The following DLX4 variants were observed in gnomAD, a reference collection of about 807,000 sequenced individuals.
DLX4 encodes the protein homeobox protein DLX-4.
A neutral mutation model predicts 17.1 loss-of-function variants in DLX4; 13 were observed. The observed-to-expected ratio is 0.76, with a 90% confidence interval of 0.49 to 1.21. The LOEUF (loss-of-function observed/expected upper bound fraction) is 1.21, where lower values mean the gene tolerates loss of function less well. Ranked by LOEUF, DLX4 falls within the 50% of genes most tolerant of loss-of-function variation. The probability of loss-of-function intolerance (pLI) is 0.00; values close to 1 mark genes in which losing one functional copy is unlikely to be tolerated. For synonymous variants in DLX4, 129 were observed against 140.3 expected, an observed-to-expected ratio of 0.92 and a Z score of 0.57; for missense variants, 297 against 301.4, an observed-to-expected ratio of 0.99 and a Z score of 0.11.
In DLX4 at chr17:49,974,953, CAT is replaced by C. The variant is rs1182116698; in HGVS notation, c.*1011_*1012del. The stretch of plus-strand genomic sequence containing the variant: ...TCCAGAGATTAAAGTTTGTACAAAA[CAT>C]TGCATTCTGGCTGTGAGATGTGTTT... On this transcript the variant is annotated 3_prime_UTR_variant, in exon 3 of 3. Transcript: ENST00000240306. The C allele has an allele frequency of 6.6e-6, 1 of 152,220 alleles. No homozygotes were observed. Among genetic ancestry groups the C allele is most frequent in the African/African-American group, 2.4e-5 (1 of 41,460 alleles). 9.4% of individuals were successfully genotyped at this position (152,220 alleles called of 1,614,324 possible).
chr17:49,969,407 A>G lies in DLX4; in HGVS notation c.-62A>G. The G allele has an allele frequency of 6.8e-7, 1 of 1,465,306 alleles. No homozygotes were observed. The highest frequency in any genetic ancestry group is 2.0e-4 in the Middle Eastern group (1 of 4,990). 90.8% of individuals were successfully genotyped at this position (1,465,306 alleles called of 1,614,324 possible). A position where few individuals can be genotyped will look rare whatever the true frequency, so the allele number is the denominator to read the frequency against. On this transcript the variant is annotated 5_prime_UTR_variant, in exon 1 of 3. Transcript: ENST00000240306. ...CCAACGCCGGAGGCTTGGAAAAGAG[A>G]GTTGGCAGCGGGAGCGGACTACGTG...
In DLX4 at chr17:49,973,760, T is replaced by TG. The variant is rs869025279; in HGVS notation, c.546dup (p.Gln183AlafsTer115). The TG allele has an allele frequency of 5.2e-6, 8 of 1,551,786 alleles. No homozygotes were observed. The highest frequency in any genetic ancestry group is 1.2e-5 in the South Asian group (1 of 82,328). On this transcript the variant is annotated frameshift_variant, in exon 3 of 3. Transcript: ENST00000240306. LOFTEE classifies it low-confidence loss of function (END_TRUNC). ...ATAAGAAGCTCCTGAAGCAGAATTC[T>TG]GGGGGGCAGGAAGGGGACTTCCCTG...
rs187087248 is a variant in DLX4, at chr17:49,972,970, C to T, written c.284-103C>T. 7 of 1,536,444 alleles carry T rather than the reference C, an allele frequency of 4.6e-6. No individual in the cohort carries two copies. In the Admixed American group the frequency reaches 1.2e-4, roughly 26 times the overall value. On this transcript the variant is annotated intron_variant, in intron 1 of 2. Transcript: ENST00000240306. The surrounding 1 kb of genome is among the most constrained non-coding windows in gnomAD (Gnocchi z 5.4). ...TGGTGGCTGCGCTTTTTGCTATTTG[C>T]TGCCGACGGCATGCAGACGAGATGC...
chr17:49,969,485 G>T lies in DLX4; in HGVS notation c.17G>T (p.Cys6Phe). 2 of 1,593,214 alleles carry T rather than the reference G, an allele frequency of 1.3e-6. No individual in the cohort carries two copies. The highest frequency in any genetic ancestry group is 8.5e-7 in the Non-Finnish European group (1 of 1,172,432). MTSLP[C>F]PLPGRDASKA... ...CTGGCCACAATGACCTCTTTGCCCT[G>T]CCCCCTCCCCGGCCGGGACGCCTCC... is the stretch of plus-strand genomic sequence containing the variant. Residue 6 changes from cysteine to phenylalanine, a missense_variant, in exon 1 of 3, where the codon TGC becomes TTC. By Grantham distance (205) the Cys-to-Phe change is radical. Coordinates refer to ENST00000240306, the MANE Select transcript of DLX4 (RefSeq NM_138281.3).
chr17:49,969,002 G>T (rs768896733), upstream of DLX4: 49 of 157,444 alleles, frequency 3.1e-4, no homozygotes, highest in Non-Finnish European at 4.5e-4. Context: ...TGCACCAATC[G>T]CTCTGCAACC....
In DLX4 at chr17:49,972,786, T is replaced by A; in HGVS notation, c.284-287T>A. On this transcript the variant is annotated intron_variant, in intron 1 of 2. Coordinates refer to ENST00000240306, the MANE Select transcript of DLX4 (RefSeq NM_138281.3). This position sits in a 1 kb window ranked among gnomAD's most constrained non-coding sequence, Gnocchi z 5.4. ...TCCCACCGCAGGCGCCGCGGTACCC[T>A]GGCTGTGGCCCTCGGCGCTTTCTTC... The A allele has an allele frequency of 1.4e-6, 2 of 1,388,230 alleles. No homozygotes were observed. Among genetic ancestry groups the A allele is most frequent in the Non-Finnish European group, 1.9e-6 (2 of 1,076,588 alleles). 86.0% of individuals were successfully genotyped at this position (1,388,230 alleles called of 1,614,324 possible).
intron 1 of DLX4, 26 bp downstream of exon 1, chr17:49,969,777 C>T (rs1905438168): frequency 1.9e-6 from 3 of 1,559,234 alleles, no homozygotes; most frequent in Non-Finnish European, 1.7e-6. Flanking sequence ...GAGGCTCTTC[C>T]CACCTCTGGG....
In DLX4 at chr17:49,972,795, C is replaced by T. The variant is rs946496682; in HGVS notation, c.284-278C>T. The T allele has an allele frequency of 4.3e-6, 6 of 1,388,990 alleles. No individual in the cohort carries two copies. The highest frequency in any genetic ancestry group is 5.6e-6 in the Non-Finnish European group (6 of 1,076,196). The allele number at this position is 1,388,990 out of a possible 1,614,324, so 86.0% of individuals were successfully genotyped here. On this transcript the variant is annotated intron_variant, in intron 1 of 2. Transcript: ENST00000240306. This position sits in a 1 kb window ranked among gnomAD's most constrained non-coding sequence, Gnocchi z 5.4. ...AGGCGCCGCGGTACCCTGGCTGTGG[C>T]CCTCGGCGCTTTCTTCCTAGGGTCA...
chr17:49,968,993 G>GCACCAAT (rs1905400397), upstream of DLX4: 1 of 156,910 alleles, frequency 6.4e-6, no homozygotes, highest in Admixed American at 6.5e-5. Context: ...TTCCTGGACT[G>GCACCAAT]CACCAATCGC....
At position 49,969,768 on chromosome 17, in the gene DLX4, A is replaced by T; in HGVS notation, c.283+17A>T. The T allele has an allele frequency of 3.8e-6, 6 of 1,572,916 alleles. No individual in the cohort carries two copies. The South Asian group carries it at 6.9e-5, about 18-fold the overall frequency. On this transcript the variant is annotated intron_variant, in intron 1 of 2. Coordinates refer to ENST00000240306, the MANE Select transcript of DLX4 (RefSeq NM_138281.3). Reference sequence around the variant, plus strand: ...TCGAGGCAGGTAAGTTCGGCCGTGGAGGCTCTTCCCACCTCTGGGGTTCGG... The same window carrying T: ...TCGAGGCAGGTAAGTTCGGCCGTGGTGGCTCTTCCCACCTCTGGGGTTCGG...
Position 49,969,337 on chromosome 17 carries a change from C to A in DLX4, c.-132C>A. On this transcript the variant is annotated 5_prime_UTR_variant, in exon 1 of 3. Coordinates refer to ENST00000240306, the MANE Select transcript of DLX4 (RefSeq NM_138281.3). ...AAGAGGCTCAGAGAGACACTTTCTC[C>A]GGGATCTTAAGTGTGGGGGCTGCTG... is the stretch of plus-strand genomic sequence containing the variant. 9.3e-7 allele frequency: 1 copy of A among 1,075,282 alleles called. No individual in the cohort carries two copies. Among genetic ancestry groups the A allele is most frequent in the Non-Finnish European group, 1.3e-6 (1 of 772,236 alleles). 66.6% of individuals were successfully genotyped at this position (1,075,282 alleles called of 1,614,324 possible). A position where few individuals can be genotyped will look rare whatever the true frequency, so the allele number is the denominator to read the frequency against.
chr17:49,969,432 GCCGGGCCATGGCCCTTCTGC>G lies in DLX4; in HGVS notation c.-29_-10del, dbSNP rs1280257675. On this transcript the variant is annotated 5_prime_UTR_variant, in exon 1 of 3. The change abolishes an upstream ATG in the 5' untranslated region. Transcript: ENST00000240306. The stretch of plus-strand genomic sequence containing the variant: ...AGTTGGCAGCGGGAGCGGACTACGT[GCCGGGCCATGGCCCTTCTGC>G]CCGGGCCCTGGCCACAATGACCTCT... The G allele has an allele frequency of 6.7e-7, 1 of 1,485,288 alleles. No homozygotes were observed. The highest frequency in any genetic ancestry group is 1.4e-5 in the African/African-American group (1 of 70,324). 92.0% of individuals were successfully genotyped at this position (1,485,288 alleles called of 1,614,324 possible).
chr17:49,973,031 G>A (rs1484910390), intron 1 of DLX4, 42 bp from the exon 2 acceptor site: 1 of 1,603,462 alleles, frequency 6.2e-7, no homozygotes, highest in African/African-American at 1.3e-5. Context: ...CTACCCCCTC[G>A]CTCCCTCCTC....
Position 49,972,810 on chromosome 17 carries a change from T to C in DLX4, c.284-263T>C. 1 of 1,397,572 alleles carries C rather than the reference T, an allele frequency of 7.2e-7. No individual in the cohort carries two copies. The highest frequency in any genetic ancestry group is 9.3e-7 in the Non-Finnish European group (1 of 1,078,740). The allele number at this position is 1,397,572 out of a possible 1,614,324, so 86.6% of individuals were successfully genotyped here. On this transcript the variant is annotated intron_variant, in intron 1 of 2. Transcript: ENST00000240306. This position sits in a 1 kb window ranked among gnomAD's most constrained non-coding sequence, Gnocchi z 5.4. ...CTGGCTGTGGCCCTCGGCGCTTTCT[T>C]CCTAGGGTCACAGGACCCATACGAG...
rs773986465 is a variant in DLX4, at chr17:49,969,717, C to A, written c.249C>A (p.Cys83Ter). Reference protein sequence around the residue: ...QQPAALSQPLCGPAEHPQELE... With the variant: ...QQPAALSQPL Reference sequence around the variant, plus strand: ...CCGCGGCGCTCTCTCAGCCCCTCTGCGGACCTGCAGAGCACCCTCAGGAAC... The same window carrying A: ...CCGCGGCGCTCTCTCAGCCCCTCTGAGGACCTGCAGAGCACCCTCAGGAAC... Residue 83 changes from cysteine (C) to a stop codon, truncating the protein, a stop_gained, in exon 1 of 3, where the codon TGC becomes TGA. Coordinates refer to ENST00000240306, the MANE Select transcript of DLX4 (RefSeq NM_138281.3). LOFTEE classifies it high-confidence loss of function. The A allele has an allele frequency of 6.2e-7, 1 of 1,600,722 alleles. No homozygotes were observed. Among genetic ancestry groups the A allele is most frequent in the South Asian group, 1.1e-5 (1 of 90,892 alleles).
At chr17:49,970,679 G>T (rs954926644) in intron 1 of DLX4, among the ~76,000 whole-genome samples, 1 of 152,168 alleles carries the variant, frequency 6.6e-6, no homozygotes, top group Non-Finnish European at 1.5e-5. Context: ...CAGGTCTCTG[G>T]ACTCTCTGCC....
At position 49,973,837 on chromosome 17, in the gene DLX4, A is replaced by T; in HGVS notation, c.617A>T (p.Asp206Val). The change falls in exon 3 of 3, where the codon GAT (aspartate) becomes GTT (valine). Residue 206 changes from aspartate (D) to valine (V), a missense_variant. Asp to Val is a radical substitution (Grantham distance 152). Coordinates refer to ENST00000240306, the MANE Select transcript of DLX4 (RefSeq NM_138281.3). ...TCCCCACCCCTCCCCTCCCTCTGGG[A>T]TCTACCCAAGGCAGGGACCCTGCCC... ...PCSPPLPSLW[D>V]LPKAGTLPTS... 1.4e-6 allele frequency: 2 copies of T among 1,455,706 alleles called. No homozygotes were observed. The highest frequency in any genetic ancestry group is 1.9e-6 in the Non-Finnish European group (2 of 1,053,728). 90.2% of individuals were successfully genotyped at this position (1,455,706 alleles called of 1,614,324 possible). A position where few individuals can be genotyped will look rare whatever the true frequency, so the allele number is the denominator to read the frequency against.
Position 49,973,042 on chromosome 17 carries a change from G to A in DLX4, c.284-31G>A, listed in dbSNP as rs749783136. On this transcript the variant is annotated intron_variant, in intron 1 of 2. Transcript: ENST00000240306. ...CGTCCTACCCCCTCGCTCCCTCCTCGCCCCCTACACCGTGTTGTGCTGCCC... is the reference window on the plus strand; with the variant it reads ...CGTCCTACCCCCTCGCTCCCTCCTCACCCCCTACACCGTGTTGTGCTGCCC... 105 of 1,606,950 alleles carry A rather than the reference G, an allele frequency of 6.5e-5. No homozygotes were observed. Among genetic ancestry groups the A allele is most frequent in the East Asian group, 3.1e-4 (14 of 44,642 alleles).
rs1905608847 is a variant in DLX4 at position 49,973,696 on chromosome 17, C to T, written c.481-5C>T. 1 of 1,491,710 alleles carries T rather than the reference C, an allele frequency of 6.7e-7. No individual in the cohort carries two copies. 92.4% of individuals were successfully genotyped at this position (1,491,710 alleles called of 1,614,324 possible). On this transcript the variant is annotated splice_region_variant and splice_polypyrimidine_tract_variant and intron_variant, in intron 2 of 2. Transcript: ENST00000240306. ...CTTTCATTCTTTCCCCTTTTCTTCC[C>T]GAAGGTAAAGATCTGGTTTCAGAAC...
Sources: allele counts gnomAD v4.1 joint callset (sites outside exome capture counted in the v4.1 genomes callset), GRCh38; gene constraint gnomAD v4.1.1; non-coding constraint Gnocchi (gnomAD v3.1); transcripts MANE v1.5; gene names NCBI Gene and HGNC (gene_info 2026-07-23, HGNC 2026-07-21).